COL21A1: variants seen among roughly 807,000 people sequenced by gnomAD.
COL21A1 encodes the protein collagen alpha-1(XXI) chain.
A neutral mutation model predicts 137.9 loss-of-function variants in COL21A1; 149 were observed. The ratio of observed to expected loss-of-function variants is 1.08; its 90% CI spans 0.95 to 1.24. COL21A1 has a LOEUF of 1.24. Ranked by LOEUF, COL21A1 falls within the 50% of genes most tolerant of loss-of-function variation. The probability of loss-of-function intolerance (pLI) is 0.00; values close to 1 mark genes in which losing one functional copy is unlikely to be tolerated. For missense variants in COL21A1, 1,167 were observed against 1,158.4 expected (o/e 1.01, Z -0.11); for synonymous variants, 456 against 391.5 (o/e 1.16, Z -1.95).
rs985586915 is a variant in COL21A1 at position 56,299,443 on chromosome 6, A to G, written c.-39+94528T>C. Among the ~76,000 whole-genome samples the G allele has an allele frequency of 2.6e-5, 4 of 152,152 alleles. 1 individual carries two copies. In the South Asian group the frequency reaches 8.3e-4, roughly 32 times the overall value. ...GTGGTTCTTGGTAGTTAAAAGTGGC[A>G]GAAAGACAGAAACAACTATTTGATA... On this transcript the variant is annotated intron_variant, in intron 1 of 28. Coordinates refer to the COL21A1 transcript ENST00000370819.
intron 19 of COL21A1, 65 bp from the exon 20 acceptor site, chr6:56,074,350 T>C (rs1247190803): frequency 3.2e-5 from 34 of 1,076,622 alleles, no homozygotes; most frequent in Non-Finnish European, 4.5e-5. Flanking sequence ...ATTAAATCAA[T>C]TTCCAAGTTA....
chr6:56,264,277 A>T (rs545765570), intron 1 of COL21A1, among the ~76,000 whole-genome samples: 1 of 152,202 alleles, frequency 6.6e-6, no homozygotes, highest in Non-Finnish European at 1.5e-5. Context: ...GTCTTCATAC[A>T]TCAGTAGGAG....
rs898140659 is a variant in COL21A1, at chr6:56,247,443, G to A, written c.-95C>T. The A allele has an allele frequency of 1.3e-5, 2 of 152,296 alleles. No homozygotes were observed. Among genetic ancestry groups the A allele is most frequent in the African/African-American group, 2.4e-5 (1 of 41,442 alleles). The allele number at this position is 152,296 out of a possible 1,614,324, so 9.4% of individuals were successfully genotyped here. On this transcript the variant is annotated 5_prime_UTR_variant, in exon 1 of 30. Coordinates refer to ENST00000244728, the MANE Select transcript of COL21A1 (RefSeq NM_030820.4). ...CGCAGCCAGCTGAGTGTTGCGCCAG[G>A]GGGACAGGTATGTTCCAGGCAGTGG...
chr6:56,153,733 C>T (rs1775504265), intron 10 of COL21A1, among the ~76,000 whole-genome samples: 1 of 152,150 alleles, frequency 6.6e-6, no homozygotes, highest in South Asian at 2.1e-4. Flanking sequence ...GATCTCTTGA[C>T]AACAATAACA....
intron 17 of COL21A1, among the ~76,000 whole-genome samples, chr6:56,093,849 G>A (rs1424136391): frequency 3.3e-5 from 5 of 152,116 alleles, no homozygotes; most frequent in Non-Finnish European, 7.4e-5. Context: ...AATTAGACAA[G>A]AGGCTCCTCC....
At chr6:56,135,765 T>C (rs1044625971) in intron 12 of COL21A1, among the ~76,000 whole-genome samples, 1 of 152,222 alleles carries the variant, frequency 6.6e-6, no homozygotes, top group South Asian at 2.1e-4. Context: ...CGTATAGCTA[T>C]GATTAACCTT....
intron 1 of COL21A1, among the ~76,000 whole-genome samples, chr6:56,314,564 C>G (rs80071841): frequency 6.6e-6 from 1 of 152,172 alleles, no homozygotes; most frequent in African/African-American, 2.4e-5. Context: ...AATCTTGGAG[C>G]TTTTTTCCTC....
rs550147698 is a variant in COL21A1 at position 56,280,298 on chromosome 6, T to C, written c.-38-97642A>G. Among the ~76,000 whole-genome samples the C allele has an allele frequency of 4.6e-5, 7 of 152,292 alleles. No individual in the cohort carries two copies. The East Asian group carries it at 1.3e-3, about 29-fold the overall frequency. ...GTCCTGAACTATCAAGAAATAAGTT[T>C]GGATAGATGGCACAGGACCAGGCTT... On this transcript the variant is annotated intron_variant, in intron 1 of 28. Transcript: ENST00000370819.
intron 1 of COL21A1, among the ~76,000 whole-genome samples, chr6:56,309,518 C>G (rs896356233): frequency 6.6e-6 from 1 of 152,148 alleles, no homozygotes; most frequent in African/African-American, 2.4e-5. Flanking sequence ...AAATAGCCAT[C>G]ACATGTCTTA....
rs1766081274 is a variant in COL21A1, at chr6:56,064,579, T to C, written c.2171A>G (p.Gln724Arg). 2 of 1,594,082 alleles carry C rather than the reference T, an allele frequency of 1.3e-6. No homozygotes were observed. Among genetic ancestry groups the C allele is most frequent in the South Asian group, 1.1e-5 (1 of 88,180 alleles). ...TATCAGAAGAAAACCAAAAAATACC[T>C]GTTGCCCTGGAATTCCCTGTCTTCC... ...ENGRQGIPGQ[Q>R]GIQGHHGAKG... Residue 724 changes from glutamine (Q) to arginine (R), a missense_variant and splice_region_variant, in exon 24 of 30, where the codon CAG (glutamine) becomes CGG (arginine). By Grantham distance (43) the Gln-to-Arg change is conservative. Transcript: ENST00000244728.
intron 1 of COL21A1, among the ~76,000 whole-genome samples, chr6:56,200,192 G>T (rs143559992): frequency 2.6e-5 from 4 of 152,134 alleles, no homozygotes; most frequent in Non-Finnish European, 4.4e-5. Context: ...AGAATGACAG[G>T]GACTAAAGTA....
chr6:56,167,966 A>C (rs1256298260), intron 6 of COL21A1, among the ~76,000 whole-genome samples, 158 bp downstream of exon 6: 1 of 152,186 alleles, frequency 6.6e-6, no homozygotes, highest in East Asian at 1.9e-4. Flanking sequence ...ATACATATAC[A>C]TATGCATAAT....
chr6:56,178,850 A>T (rs1777683274), intron 3 of COL21A1, among the ~76,000 whole-genome samples: 1 of 152,108 alleles, frequency 6.6e-6, no homozygotes, highest in Non-Finnish European at 1.5e-5. Flanking sequence ...TAAGCTTTTT[A>T]AAGTGCAATT....
intron 18 of COL21A1, 73 bp from the exon 19 acceptor site, chr6:56,075,605 G>T: frequency 5.5e-6 from 6 of 1,083,186 alleles, no homozygotes; most frequent in South Asian, 1.6e-5. Flanking sequence ...TTCTGCCAAA[G>T]CACAATGGAA....
At chr6:56,235,134 T>C (rs1781819563) in intron 1 of COL21A1, among the ~76,000 whole-genome samples, 1 of 151,822 alleles carries the variant, frequency 6.6e-6, no homozygotes, top group Non-Finnish European at 1.5e-5. Context: ...AGGGTCTAGG[T>C]AATAAACACC....
intron 1 of COL21A1, among the ~76,000 whole-genome samples, chr6:56,309,088 G>A (rs902745057): frequency 6.6e-6 from 1 of 151,100 alleles, no homozygotes; most frequent in Admixed American, 6.6e-5. Flanking sequence ...CTGTCGCCCG[G>A]CTGGAGTATA....
intron 1 of COL21A1, among the ~76,000 whole-genome samples, chr6:56,237,134 G>GA (rs2152321878): frequency 1.6e-5 from 1 of 64,240 alleles, no homozygotes; most frequent in South Asian, 5.9e-4. Context: ...AGAAAAATTC[G>GA]AAAGGAAAAA....
intron 1 of COL21A1, among the ~76,000 whole-genome samples, chr6:56,364,953 A>T (rs1766064773): frequency 6.6e-6 from 1 of 151,958 alleles, no homozygotes; most frequent in Admixed American, 6.6e-5. Flanking sequence ...TACTCTATGA[A>T]CTCTGTGAGC....
At chr6:56,293,510 T>C (rs898762137) in intron 1 of COL21A1, among the ~76,000 whole-genome samples, 6 of 152,114 alleles carry the variant, frequency 3.9e-5, no homozygotes, top group Non-Finnish European at 7.4e-5. Flanking sequence ...ATTTACTATG[T>C]AGAAACTAGA....
Sources: gnomAD v4.1 joint callset for allele counts (sites outside exome capture counted in the v4.1 genomes callset) on GRCh38, gnomAD v4.1.1 for gene constraint, MANE v1.5 for transcripts, NCBI Gene and HGNC (gene_info 2026-07-23, HGNC 2026-07-21) for gene names.